The following UHRF2 variants were observed in gnomAD, a reference collection of about 807,000 sequenced individuals.
UHRF2 encodes the protein ubiquitin like with PHD and ring finger domains 2, also known as E3 ubiquitin-protein ligase UHRF2.
UHRF2 carries 23 observed loss-of-function variants against 96.8 expected under a neutral mutation model. The ratio of observed to expected loss-of-function variants is 0.24; its 90% CI spans 0.17 to 0.34. The LOEUF (loss-of-function observed/expected upper bound fraction) is 0.34. Among genes scored for constraint, UHRF2 ranks in the 10% least tolerant of loss-of-function variants. UHRF2 has a pLI of 1.00. For synonymous variants in UHRF2, 385 were observed against 332.6 expected (o/e 1.16, Z -1.72); for missense variants, 685 against 981.5 (o/e 0.70, Z 4.04).
rs879401826 is a variant in UHRF2, at chr9:6,425,599, T to TA, written c.384+4471dup. On this transcript the variant is annotated intron_variant, in intron 2 of 15. Transcript: ENST00000276893. ...GTGAAACCCCATCTCTGCCGAAAAT[T>TA]AAAAAAAAAAAAAATTAGCTGGGCG... 4.2e-3 allele frequency among the ~76,000 whole-genome samples: 594 copies of TA among 141,560 alleles called. 4 individuals carry two copies. The highest frequency in any genetic ancestry group is 6.5e-3 in the Admixed American group (92 of 14,142). 92.9% of individuals were successfully genotyped at this position (141,560 alleles called of 152,430 possible). A position where few individuals can be genotyped will look rare whatever the true frequency, so the allele number is the denominator to read the frequency against.
chr9:6,433,546 T>G (rs548429365), intron 2 of UHRF2, among the ~76,000 whole-genome samples: 1 of 152,212 alleles, frequency 6.6e-6, no homozygotes, highest in African/African-American at 2.4e-5. Context: ...TGGAACAGAT[T>G]AGTCATATTA....
chr9:6,484,879 C>T (rs1486627682), intron 8 of UHRF2, among the ~76,000 whole-genome samples: 5 of 148,108 alleles, frequency 3.4e-5, no homozygotes, highest in African/African-American at 1.2e-4. Flanking sequence ...CCGCAACCTC[C>T]GCCTCCTGGT....
chr9:6,470,161 T>C (rs1460305467), intron 4 of UHRF2, among the ~76,000 whole-genome samples: 2 of 152,048 alleles, frequency 1.3e-5, no homozygotes, highest in Non-Finnish European at 2.9e-5. Flanking sequence ...TCACTTGAGG[T>C]CAGGAATTCA....
At chr9:6,467,603 T>G (rs1563780537) in intron 4 of UHRF2, among the ~76,000 whole-genome samples, 1 of 150,630 alleles carries the variant, frequency 6.6e-6, no homozygotes, top group Non-Finnish European at 1.5e-5. Flanking sequence ...TAGTTTTTTT[T>G]TTTTTTTTTT....
At chr9:6,455,885 G>A (rs1052906456) in intron 3 of UHRF2, among the ~76,000 whole-genome samples, 9 of 152,192 alleles carry the variant, frequency 5.9e-5, no homozygotes, top group African/African-American at 1.7e-4. Context: ...TTGGGAGGCT[G>A]AGGTAAGAGG....
At chr9:6,420,378 G>A (rs533882563) in intron 1 of UHRF2, among the ~76,000 whole-genome samples, 99 of 150,460 alleles carry the variant, frequency 6.6e-4, no homozygotes, top group African/African-American at 2.1e-3. Flanking sequence ...TTAATGGCTA[G>A]CAGTGTTCTC....
intron 2 of UHRF2, among the ~76,000 whole-genome samples, chr9:6,424,556 T>G (rs1820132450): frequency 1.3e-5 from 2 of 152,214 alleles, no homozygotes; most frequent in Non-Finnish European, 2.9e-5. Context: ...GTTTTAGATT[T>G]GTAGCAAAAT....
At chr9:6,424,361 C>G (rs1274103384) in intron 2 of UHRF2, among the ~76,000 whole-genome samples, 5 of 117,806 alleles carry the variant, frequency 4.2e-5, no homozygotes, top group African/African-American at 1.3e-4. Flanking sequence ...TAAAACAGTG[C>G]TATATAGTGG....
At position 6,449,780 on chromosome 9, in the gene UHRF2, G is replaced by A. The variant is rs368316170; in HGVS notation, c.645-10793G>A. On this transcript the variant is annotated intron_variant, in intron 3 of 15. Coordinates refer to ENST00000276893, the MANE Select transcript of UHRF2 (RefSeq NM_152896.3). The stretch of plus-strand genomic sequence containing the variant: ...CTGGAATTCTGGTATGTGCTAGGCA[G>A]TACCTGTTATCAGCCCCTAATTATC... Among the ~76,000 whole-genome samples, 3 of 152,230 alleles carry A rather than the reference G, an allele frequency of 2.0e-5. No homozygotes were observed. The East Asian group carries it at 5.8e-4, about 29-fold the overall frequency.
chr9:6,416,320 G>T (rs1334317753), intron 1 of UHRF2, among the ~76,000 whole-genome samples: 1 of 151,992 alleles, frequency 6.6e-6, no homozygotes, highest in South Asian at 2.1e-4. Context: ...CGCCCACCTC[G>T]GCTTCCCAAA....
chr9:6,487,789 A>G (rs771980910), intron 9 of UHRF2, among the ~76,000 whole-genome samples: 15 of 152,256 alleles, frequency 9.9e-5, no homozygotes, highest in Non-Finnish European at 1.9e-4. Context: ...GGCGTGAGCC[A>G]CGGTGCCCAT....
intron 6 of UHRF2, 45 bp from the exon 7 acceptor site, chr9:6,481,598 A>G: frequency 1.3e-6 from 2 of 1,596,762 alleles, no homozygotes; most frequent in South Asian, 2.3e-5. Context: ...ACTAGCTTTA[A>G]TATGGTATTG....
chr9:6,464,242 G>A (rs921018714), intron 4 of UHRF2, among the ~76,000 whole-genome samples: 6 of 152,154 alleles, frequency 3.9e-5, no homozygotes, highest in Non-Finnish European at 7.4e-5. Context: ...TATATCTTTT[G>A]TGAGGACCTG....
chr9:6,485,816 A>C (rs1339220574), intron 8 of UHRF2, among the ~76,000 whole-genome samples: 2 of 140,840 alleles, frequency 1.4e-5, no homozygotes, highest in African/African-American at 3.2e-5. Context: ...AAAAAAAAAA[A>C]AAAAAAAAAA....
At chr9:6,450,077 T>C (rs1821760870) in intron 3 of UHRF2, among the ~76,000 whole-genome samples, 1 of 152,196 alleles carries the variant, frequency 6.6e-6, no homozygotes, top group Non-Finnish European at 1.5e-5. Flanking sequence ...TGAGTTCTGC[T>C]ACATCATTGA....
intron 3 of UHRF2, among the ~76,000 whole-genome samples, chr9:6,453,719 A>G (rs1822005417): frequency 6.6e-6 from 1 of 152,174 alleles, no homozygotes; most frequent in South Asian, 2.1e-4. Context: ...CCTGGCTAAC[A>G]TGGTGAAACC....
chr9:6,494,091 C>T (rs1007496793), intron 10 of UHRF2, 159 bp downstream of exon 10: 8 of 598,024 alleles, frequency 1.3e-5, no homozygotes, highest in Non-Finnish European at 2.3e-5. Flanking sequence ...TTTTCAGCAT[C>T]CTAACATATC....
chr9:6,480,401 A>T (rs1156470652), intron 6 of UHRF2, among the ~76,000 whole-genome samples: 1 of 152,250 alleles, frequency 6.6e-6, no homozygotes, highest in Non-Finnish European at 1.5e-5. Context: ...TGCCTTGCAC[A>T]TAGGAGGTTC....
chr9:6,500,842 C>T (rs1034217999), intron 14 of UHRF2, 133 bp downstream of exon 14: 6 of 780,396 alleles, frequency 7.7e-6, no homozygotes, highest in African/African-American at 5.3e-5. Context: ...AGTGCCACTA[C>T]CTTTCAGAAA....
Sources: allele counts gnomAD v4.1 joint callset (sites outside exome capture counted in the v4.1 genomes callset), GRCh38; gene constraint gnomAD v4.1.1; transcripts MANE v1.5; gene names NCBI Gene and HGNC (gene_info 2026-07-23, HGNC 2026-07-21).